Variants in ELP1 observed in about 807,000 individuals in gnomAD.
ELP1 encodes elongator complex protein 1.
ELP1 carries 131 observed loss-of-function variants against 183.2 expected under a neutral mutation model. The ratio of observed to expected loss-of-function variants is 0.72; its 90% CI spans 0.62 to 0.83. The LOEUF is 0.83. Ranked by LOEUF, ELP1 falls within the 40% of genes least tolerant of loss-of-function variation. The pLI is 0.00. For synonymous variants in ELP1, 555 were observed against 569.0 expected, an observed-to-expected ratio of 0.98 and a Z score of 0.35; for missense variants, 1,550 against 1,594.9, an observed-to-expected ratio of 0.97 and a Z score of 0.48.
At chr9:108,902,332 G>GT (rs1320065519) in intron 16 of ELP1, among the ~76,000 whole-genome samples, 1 of 151,946 alleles carries the variant, frequency 6.6e-6, no homozygotes, top group African/African-American at 2.4e-5. Context: ...AAACATCTCA[G>GT]TATTCTCTAC....
rs768461740 is a variant in ELP1, at chr9:108,902,834, C to T, written c.1854+5G>A. 4 of 1,607,108 alleles carry T rather than the reference C, an allele frequency of 2.5e-6. No individual in the cohort carries two copies. The highest frequency in any genetic ancestry group is 3.4e-6 in the Non-Finnish European group (4 of 1,173,710). On this transcript the variant is annotated splice_donor_5th_base_variant and intron_variant, in intron 16 of 36. Coordinates refer to ENST00000374647, the MANE Select transcript of ELP1 (RefSeq NM_003640.5). ...AAGTAAATTTCCTGCTCCGTGTTCA[C>T]CTACCTCTTCTCCAATCATGGCCAA...
At chr9:108,917,504 A>C in intron 9 of ELP1, 43 bp downstream of exon 9, 8 of 1,594,872 alleles carry the variant, frequency 5.0e-6, no homozygotes, top group Non-Finnish European at 6.9e-6. Context: ...ATAGCTATGG[A>C]AAGTCCTCTA....
chr9:108,893,765 T>C (rs142341609), intron 26 of ELP1, among the ~76,000 whole-genome samples, 178 bp downstream of exon 26: 17 of 152,330 alleles, frequency 1.1e-4, no homozygotes, highest in Non-Finnish European at 1.9e-4. Flanking sequence ...TCATTAAAAG[T>C]GATTACCTTC....
chr9:108,912,272 A>G lies in ELP1; in HGVS notation c.1181T>C (p.Ile394Thr), dbSNP rs571143526. The G allele has an allele frequency of 9.1e-5, 147 of 1,613,720 alleles. No homozygotes were observed. In the South Asian group the frequency reaches 1.4e-3, roughly 15 times the overall value. The change falls in exon 11 of 37, where the codon ATT becomes ACT. Residue 394 changes from isoleucine (I) to threonine (T), a missense_variant. By Grantham distance (89) the Ile-to-Thr change is moderately conservative. Coordinates refer to ENST00000374647, the MANE Select transcript of ELP1 (RefSeq NM_003640.5). ...NSSDLSNVAV[I>T]DGNRVLVTVF... ...ACTTCCCAGGAGCTTACTTCCATCA[A>G]TGACAGCCACATTGGACAAGTCACT...
chr9:108,874,544 C>T (rs1455863230), intron 36 of ELP1, among the ~76,000 whole-genome samples: 1 of 152,114 alleles, frequency 6.6e-6, no homozygotes, highest in Non-Finnish European at 1.5e-5. Context: ...TGCCAATAGC[C>T]AGTAATGATG....
At chr9:108,884,393 C>T (rs773616899) in intron 29 of ELP1, among the ~76,000 whole-genome samples, 1 of 152,126 alleles carries the variant, frequency 6.6e-6, no homozygotes, top group Non-Finnish European at 1.5e-5. Flanking sequence ...ACAGCATGAT[C>T]AACCTAATCT....
Position 108,927,365 on chromosome 9 carries a change from A to G in ELP1, c.385+7T>C, listed in dbSNP as rs747004579. On this transcript the variant is annotated splice_region_variant and intron_variant, in intron 4 of 36. Coordinates refer to ENST00000374647, the MANE Select transcript of ELP1 (RefSeq NM_003640.5). ...AAAAGCCAGTGAGGCACCAGTAACA[A>G]GCTTACCTGTGGCAAGAAGCACCAG... 1.2e-6 allele frequency: 2 copies of G among 1,609,494 alleles called. No homozygotes were observed. Among genetic ancestry groups the G allele is most frequent in the South Asian group, 2.2e-5 (2 of 90,984 alleles).
chr9:108,897,953 C>T (rs894678949), intron 22 of ELP1, among the ~76,000 whole-genome samples: 2 of 152,086 alleles, frequency 1.3e-5, no homozygotes, highest in African/African-American at 4.8e-5. Flanking sequence ...ACAAAGAATG[C>T]CCTCTAGTTA....
chr9:108,906,623 A>C, intron 13 of ELP1, 138 bp from the exon 14 acceptor site: 2 of 682,744 alleles, frequency 2.9e-6, no homozygotes, highest in Non-Finnish European at 2.6e-6. Context: ...CTGAGATACT[A>C]CCAAATACTA....
At chr9:108,918,680 G>T in intron 8 of ELP1, 131 bp downstream of exon 8, 5 of 751,480 alleles carry the variant, frequency 6.7e-6, no homozygotes, top group Non-Finnish European at 1.2e-5. Context: ...GATAGATACA[G>T]CCTTATAACC....
chr9:108,894,228 T>C (rs146040233), intron 25 of ELP1, among the ~76,000 whole-genome samples, 162 bp from the exon 26 acceptor site: 1 of 152,152 alleles, frequency 6.6e-6, no homozygotes, highest in African/African-American at 2.4e-5. Flanking sequence ...ACTACAGTTG[T>C]CCCCCAGTAT....
intron 29 of ELP1, 109 bp downstream of exon 29, chr9:108,889,223 T>C: frequency 9.6e-7 from 1 of 1,040,990 alleles, no homozygotes; most frequent in South Asian, 1.3e-5. Context: ...ACACTATCTC[T>C]GGACTTAACA....
intron 25 of ELP1, among the ~76,000 whole-genome samples, chr9:108,896,173 C>T (rs1267390720): frequency 3.9e-5 from 6 of 152,078 alleles, no homozygotes; most frequent in African/African-American, 1.4e-4. Flanking sequence ...AGGAGAATGG[C>T]GTGAACACGG....
At chr9:108,893,563 G>A (rs1001799671) in intron 26 of ELP1, among the ~76,000 whole-genome samples, 1 of 152,190 alleles carries the variant, frequency 6.6e-6, no homozygotes, top group African/African-American at 2.4e-5. Flanking sequence ...ACTGCGTCTT[G>A]CAGGGCACGG....
In ELP1 at chr9:108,899,854, C is replaced by G. The variant is rs202166505; in HGVS notation, c.2172G>C (p.Leu724=). The G allele has an allele frequency of 6.8e-6, 11 of 1,613,954 alleles. No individual in the cohort carries two copies. Among genetic ancestry groups the G allele is most frequent in the Non-Finnish European group, 9.3e-6 (11 of 1,179,996 alleles). The change falls in exon 20 of 37, where the codon CTG becomes CTC. Residue 724 remains leucine, a synonymous_variant. Coordinates refer to ENST00000374647, the MANE Select transcript of ELP1 (RefSeq NM_003640.5). ...ACCACTTCCGAATCTGAGCTAAAACCAGGGCTCGATGATGAACAACTTCTA... is the reference window on the plus strand; with the variant it reads ...ACCACTTCCGAATCTGAGCTAAAACGAGGGCTCGATGATGAACAACTTCTA... The part of the protein sequence containing the change: ...GNLEVVHHRA[L]VLAQIRKWLD...
intron 9 of ELP1, among the ~76,000 whole-genome samples, chr9:108,917,176 C>A (rs993399152): frequency 2.0e-5 from 3 of 152,102 alleles, no homozygotes; most frequent in Admixed American, 6.5e-5. Flanking sequence ...AAATATAAAT[C>A]CCCTCTATAG....
At chr9:108,896,374 T>G in intron 25 of ELP1, 122 bp downstream of exon 25, 1 of 870,336 alleles carries the variant, frequency 1.1e-6, no homozygotes, top group South Asian at 1.4e-5. Context: ...CTCACAGATC[T>G]GTCTCCAGCC....
Position 108,903,613 on chromosome 9 carries a change from T to C in ELP1, c.1700A>G (p.Lys567Arg), listed in dbSNP as rs1828900190. ...ATCAGCCAGCTGTAATACTACTGACTTGGTCTTGGAATTGCAACATAGACT... is the reference window on the plus strand; with the variant it reads ...ATCAGCCAGCTGTAATACTACTGACCTGGTCTTGGAATTGCAACATAGACT... The part of the protein sequence containing the change: ...IISLCCNSKT[K>R]SVVLQLADGQ... The change falls in exon 15 of 37, where the codon AAG becomes AGG. Residue 567 changes from lysine to arginine, a missense_variant. Coordinates refer to ENST00000374647, the MANE Select transcript of ELP1 (RefSeq NM_003640.5). 2 of 1,613,886 alleles carry C rather than the reference T, an allele frequency of 1.2e-6. No homozygotes were observed. Among genetic ancestry groups the C allele is most frequent in the Non-Finnish European group, 1.7e-6 (2 of 1,179,954 alleles).
chr9:108,931,886 G>A (rs1830012983), intron 1 of ELP1, among the ~76,000 whole-genome samples: 1 of 152,118 alleles, frequency 6.6e-6, no homozygotes, highest in Non-Finnish European at 1.5e-5. Context: ...AATATAAAAC[G>A]TGAGAAAAGA....
Sources: allele counts gnomAD v4.1 joint callset (sites outside exome capture counted in the v4.1 genomes callset), GRCh38; gene constraint gnomAD v4.1.1; transcripts MANE v1.5; gene names NCBI Gene and HGNC (gene_info 2026-07-23, HGNC 2026-07-21).